Variants in HS3ST5 observed in about 807,000 individuals in gnomAD.
HS3ST5 encodes heparan sulfate glucosamine 3-O-sulfotransferase 5.
Under a neutral mutation model 25.4 loss-of-function variants are expected in HS3ST5, and 10 were observed. The ratio of observed to expected loss-of-function variants is 0.39; its 90% CI spans 0.24 to 0.67. The LOEUF is 0.67. Among genes scored for constraint, HS3ST5 ranks in the 30% least tolerant of loss-of-function variants. The pLI is 0.44. For missense variants in HS3ST5, 324 were observed against 420.7 expected (o/e 0.77, Z 2.01); for synonymous variants, 170 against 162.4 (o/e 1.05, Z -0.36).
intron 3 of HS3ST5, among the ~76,000 whole-genome samples, chr6:114,100,748 G>C (rs1775686956): frequency 6.6e-6 from 1 of 152,120 alleles, no homozygotes; most frequent in Non-Finnish European, 1.5e-5. Flanking sequence ...TGTTCTAAGG[G>C]GGTCAAGAGT....
intron 1 of HS3ST5, among the ~76,000 whole-genome samples, chr6:114,246,165 A>G (rs1465091126): frequency 6.6e-6 from 1 of 152,242 alleles, no homozygotes; most frequent in African/African-American, 2.4e-5. Context: ...CTCTGTGAAT[A>G]AAACATCTTA....
intron 1 of HS3ST5, chr6:114,251,692 CA>C (rs1379181663): frequency 1.3e-5 from 2 of 152,190 alleles, no homozygotes; most frequent in Admixed American, 1.3e-4. Context: ...GAATAAATTT[CA>C]AATTGTTTTG....
Position 114,270,738 on chromosome 6 carries a change from A to C in HS3ST5, c.-338-41960T>G, listed in dbSNP as rs185967857. Among the ~76,000 whole-genome samples the C allele has an allele frequency of 9.1e-4, 139 of 152,232 alleles. 2 individuals carry two copies. The highest frequency in any genetic ancestry group is 3.2e-3 in the African/African-American group (131 of 41,558). ...AGTTTTAAGGCTTTGTCCAGCTCTA[A>C]GTTGATAAGCCTATGATTCTGTCAT... On this transcript the variant is annotated intron_variant, in intron 1 of 4. Transcript: ENST00000312719.
At chr6:114,341,252 A>AGAGAGAGAGAGAGAGG (rs1562281441) in intron 1 of HS3ST5, among the ~76,000 whole-genome samples, 6 of 149,300 alleles carry the variant, frequency 4.0e-5, no homozygotes, top group African/African-American at 1.5e-4. Flanking sequence ...AGAGAGAGAG[A>AGAGAGAGAGAGAGAGG]GAGAGAGAGT....
At chr6:114,127,747 C>A (rs540930424) in intron 3 of HS3ST5, among the ~76,000 whole-genome samples, 24 of 151,564 alleles carry the variant, frequency 1.6e-4, no homozygotes, top group African/African-American at 5.6e-4. Flanking sequence ...ATTCACTCAG[C>A]CTTAAAAAAG....
At chr6:114,174,246 A>G (rs370414926) in intron 2 of HS3ST5, among the ~76,000 whole-genome samples, 1 of 151,808 alleles carries the variant, frequency 6.6e-6, no homozygotes, top group African/African-American at 2.4e-5. Context: ...CCTCAGGAAG[A>G]TTTTTCTGGC....
intron 1 of HS3ST5, chr6:114,230,335 C>T (rs887333085): frequency 4.6e-5 from 7 of 152,012 alleles, no homozygotes; most frequent in African/African-American, 1.7e-4. Context: ...TATGACATTA[C>T]TCAAAATCTC....
At chr6:114,234,858 T>C (rs560224429) in intron 1 of HS3ST5, among the ~76,000 whole-genome samples, 114 of 152,190 alleles carry the variant, frequency 7.5e-4, no homozygotes, top group Non-Finnish European at 1.0e-3. Context: ...TTTAAAATTC[T>C]TTTTCTGGGG....
At chr6:114,141,368 G>T (rs952788233) in intron 3 of HS3ST5, among the ~76,000 whole-genome samples, 1 of 152,230 alleles carries the variant, frequency 6.6e-6, no homozygotes, top group Admixed American at 6.5e-5. Context: ...CAGCAATGAA[G>T]AAGTCATTTT....
At chr6:114,197,967 T>G (rs1780840624) in intron 2 of HS3ST5, among the ~76,000 whole-genome samples, 1 of 152,060 alleles carries the variant, frequency 6.6e-6, no homozygotes. Flanking sequence ...TTGATGGACA[T>G]GGAATTCAGA....
chr6:114,115,516 T>A (rs187666796), intron 3 of HS3ST5, among the ~76,000 whole-genome samples: 2 of 152,036 alleles, frequency 1.3e-5, no homozygotes, highest in African/African-American at 4.8e-5. Flanking sequence ...GTTAACCTCT[T>A]ATGGAAGGGG....
intron 1 of HS3ST5, among the ~76,000 whole-genome samples, chr6:114,241,138 T>TG (rs1476444745): frequency 4.8e-5 from 7 of 147,026 alleles, no homozygotes; most frequent in South Asian, 2.1e-4. Context: ...ATCAGTTTTT[T>TG]TTTTTTTTTT....
intron 3 of HS3ST5, among the ~76,000 whole-genome samples, chr6:114,102,009 T>C (rs1582601979): frequency 6.6e-6 from 1 of 152,214 alleles, no homozygotes; most frequent in East Asian, 1.9e-4. Flanking sequence ...TGAGTGCACT[T>C]GGACACAAAG....
intron 3 of HS3ST5, among the ~76,000 whole-genome samples, chr6:114,113,468 C>G (rs1323172064): frequency 6.6e-6 from 1 of 151,830 alleles, no homozygotes; most frequent in East Asian, 1.9e-4. Context: ...TGTTTCCACC[C>G]AGGAGAGTTG....
chr6:114,172,799 G>C (rs1779533005), intron 2 of HS3ST5, among the ~76,000 whole-genome samples: 1 of 152,208 alleles, frequency 6.6e-6, no homozygotes, highest in South Asian at 2.1e-4. Flanking sequence ...GAGTCTAACA[G>C]TAGACATAGC....
chr6:114,282,760 C>G (rs903798250), intron 1 of HS3ST5, among the ~76,000 whole-genome samples: 2 of 151,956 alleles, frequency 1.3e-5, no homozygotes, highest in Non-Finnish European at 2.9e-5. Flanking sequence ...AAGGCAGGAA[C>G]CAAGGACCAC....
intron 3 of HS3ST5, among the ~76,000 whole-genome samples, chr6:114,074,145 G>C (rs566715356): frequency 3.4e-4 from 52 of 152,186 alleles, no homozygotes; most frequent in East Asian, 1.2e-3. Flanking sequence ...GGCCTGTTTG[G>C]GGGTAGGAGG....
At chr6:114,292,095 T>G (rs1440711626) in intron 1 of HS3ST5, among the ~76,000 whole-genome samples, 1 of 132,770 alleles carries the variant, frequency 7.5e-6, no homozygotes, top group Non-Finnish European at 1.8e-5. Context: ...AGACATTGTT[T>G]AATTGTTAGT....
intron 1 of HS3ST5, among the ~76,000 whole-genome samples, chr6:114,304,164 C>T (rs944275297): frequency 4.6e-5 from 7 of 152,214 alleles, no homozygotes; most frequent in African/African-American, 1.7e-4. Context: ...GAAAGAACTA[C>T]ATCAACACCT....
Sources: allele counts gnomAD v4.1 joint callset (sites outside exome capture counted in the v4.1 genomes callset), GRCh38; gene constraint gnomAD v4.1.1; transcripts MANE v1.5; gene names NCBI Gene and HGNC (gene_info 2026-07-23, HGNC 2026-07-21).